The following NRXN3 variants were observed in gnomAD, a reference collection of about 807,000 sequenced individuals.
NRXN3 encodes the protein neurexin III.
Under a neutral mutation model 137.6 loss-of-function variants are expected in NRXN3, and 32 were observed. The ratio of observed to expected loss-of-function variants is 0.23; its 90% CI spans 0.18 to 0.31. The LOEUF is 0.31. Ranked by LOEUF, NRXN3 falls within the 10% of genes least tolerant of loss-of-function variation. The pLI is 1.00. For missense variants in NRXN3, 1,574 were observed against 2,062.5 expected (o/e 0.76, Z 4.59); for synonymous variants, 798 against 784.5 (o/e 1.02, Z -0.29).
intron 15 of NRXN3, among the ~76,000 whole-genome samples, chr14:79,336,332 A>C (rs1280679464): frequency 6.6e-6 from 1 of 152,044 alleles, no homozygotes; most frequent in Non-Finnish European, 1.5e-5. Flanking sequence ...ACAATCCTAC[A>C]CCTCTGTGAA....
At chr14:79,851,377 C>T (rs2099391043) in intron 20 of NRXN3, among the ~76,000 whole-genome samples, 1 of 151,668 alleles carries the variant, frequency 6.6e-6, no homozygotes, top group Non-Finnish European at 1.5e-5. Context: ...TTTTTTCCTC[C>T]ATCTAAAACT....
intron 10 of NRXN3, among the ~76,000 whole-genome samples, chr14:78,847,766 T>G (rs957230575): frequency 7.2e-5 from 11 of 152,018 alleles, no homozygotes; most frequent in African/African-American, 2.2e-4. Flanking sequence ...TCTATAAACG[T>G]CAGTGGAAAG....
intron 15 of NRXN3, among the ~76,000 whole-genome samples, chr14:79,291,100 T>C (rs2083115081): frequency 6.6e-6 from 1 of 152,290 alleles, no homozygotes; most frequent in East Asian, 1.9e-4. Context: ...AATTATTATA[T>C]ATCTTTTTTC....
chr14:79,480,570 T>C (rs1463751411), intron 16 of NRXN3, among the ~76,000 whole-genome samples: 1 of 152,120 alleles, frequency 6.6e-6, no homozygotes, highest in Non-Finnish European at 1.5e-5. Context: ...GTGGGAAGAA[T>C]AGAATTTCCA....
At chr14:79,635,086 CA>C (rs1465027762) in intron 16 of NRXN3, among the ~76,000 whole-genome samples, 1 of 151,978 alleles carries the variant, frequency 6.6e-6, no homozygotes, top group Non-Finnish European at 1.5e-5. Flanking sequence ...ATATTCTCAC[CA>C]CAAAGAAATG....
At chr14:79,049,022 CAAAAAAAAAAAAAA>C (rs1171306670) in intron 15 of NRXN3, among the ~76,000 whole-genome samples, 15 of 29,476 alleles carry the variant, frequency 5.1e-4, no homozygotes, top group African/African-American at 1.2e-3. Flanking sequence ...AACTCCGTCT[CAAAAAAAAAAAAAA>C]AAAAAAAAAA....
At chr14:79,606,080 G>T (rs1365751877) in intron 16 of NRXN3, among the ~76,000 whole-genome samples, 1 of 152,116 alleles carries the variant, frequency 6.6e-6, no homozygotes, top group African/African-American at 2.4e-5. Flanking sequence ...TTTGTTTGAG[G>T]ATTGGAAAGC....
At chr14:78,322,992 C>T (rs958278199) in intron 4 of NRXN3, among the ~76,000 whole-genome samples, 13 of 144,826 alleles carry the variant, frequency 9.0e-5, no homozygotes, top group African/African-American at 3.2e-4. Context: ...GGCTGGGCAC[C>T]TTATTTCTTA....
At chr14:79,484,644 T>G (rs544090804) in intron 16 of NRXN3, among the ~76,000 whole-genome samples, 14 of 152,276 alleles carry the variant, frequency 9.2e-5, no homozygotes, top group Non-Finnish European at 1.9e-4. Context: ...TGGAGACATT[T>G]GATTTTGTGC....
chr14:78,880,502 G>C (rs180806758), intron 10 of NRXN3, among the ~76,000 whole-genome samples: 1 of 151,990 alleles, frequency 6.6e-6, no homozygotes, highest in Non-Finnish European at 1.5e-5. Context: ...TGGCAGGGAG[G>C]AGACCAAAGA....
At chr14:78,968,127 C>T (rs2099427180) in intron 13 of NRXN3, 46 bp from the exon 14 acceptor site, 3 of 1,226,106 alleles carry the variant, frequency 2.4e-6, no homozygotes, top group Non-Finnish European at 3.2e-6. Flanking sequence ...GACATGGTCA[C>T]CACATCCTTT....
At chr14:78,534,938 G>A (rs2040205828) in intron 4 of NRXN3, among the ~76,000 whole-genome samples, 1 of 152,012 alleles carries the variant, frequency 6.6e-6, no homozygotes, top group Admixed American at 6.6e-5. Flanking sequence ...TTTAAAATTG[G>A]TGTATTTTCC....
intron 6 of NRXN3, among the ~76,000 whole-genome samples, chr14:78,655,714 G>A (rs2097779261): frequency 6.6e-6 from 1 of 152,130 alleles, no homozygotes; most frequent in Non-Finnish European, 1.5e-5. Context: ...ATAACCTCAT[G>A]GAGCTCTGAA....
chr14:78,750,896 A>C (rs2098638128), intron 8 of NRXN3, among the ~76,000 whole-genome samples: 2 of 152,302 alleles, frequency 1.3e-5, no homozygotes, highest in South Asian at 4.1e-4. Flanking sequence ...TTATTACTTA[A>C]GGACCCCAGG....
At chr14:79,203,482 A>G (rs2066363569) in intron 15 of NRXN3, among the ~76,000 whole-genome samples, 1 of 152,182 alleles carries the variant, frequency 6.6e-6, no homozygotes, top group Non-Finnish European at 1.5e-5. Context: ...ACCCCTACAT[A>G]TGCCCCATCT....
chr14:79,682,958 G>T (rs1279519096), intron 17 of NRXN3, among the ~76,000 whole-genome samples: 1 of 152,112 alleles, frequency 6.6e-6, no homozygotes, highest in Non-Finnish European at 1.5e-5. Context: ...TTCAGACTAT[G>T]ATGACCAATG....
chr14:78,956,712 A>C (rs1403838372), intron 10 of NRXN3, among the ~76,000 whole-genome samples: 1 of 152,154 alleles, frequency 6.6e-6, no homozygotes, highest in African/African-American at 2.4e-5. Flanking sequence ...TGTGATTTCT[A>C]TGGTCGTGAA....
chr14:79,518,468 C>T (rs919814966), intron 16 of NRXN3, among the ~76,000 whole-genome samples: 3 of 151,790 alleles, frequency 2.0e-5, no homozygotes, highest in African/African-American at 7.3e-5. Context: ...TTCTCTGTAC[C>T]TAATTATGAA....
At chr14:78,448,048 C>T (rs889159515) in intron 4 of NRXN3, among the ~76,000 whole-genome samples, 1 of 152,154 alleles carries the variant, frequency 6.6e-6, no homozygotes, top group African/African-American at 2.4e-5. Flanking sequence ...TTCATCTCTT[C>T]TTTTAAAAAT....
Sources: gnomAD v4.1 joint callset for allele counts (sites outside exome capture counted in the v4.1 genomes callset) on GRCh38, gnomAD v4.1.1 for gene constraint, MANE v1.5 for transcripts, NCBI Gene and HGNC (gene_info 2026-07-23, HGNC 2026-07-21) for gene names.